The following ATP8B4 variants were observed in gnomAD, a reference collection of about 807,000 sequenced individuals.
ATP8B4 encodes the protein ATPase phospholipid transporting 8B4 (putative).
In ATP8B4, 133 loss-of-function variants were observed where a neutral mutation model predicts 145.6. That is an observed-to-expected ratio of 0.91 (90% CI 0.79 to 1.05). The LOEUF (loss-of-function observed/expected upper bound fraction) is 1.05, where lower values mean the gene tolerates loss of function less well. Ranked by LOEUF, ATP8B4 falls within the 50% of genes least tolerant of loss-of-function variation. The pLI, the probability that ATP8B4 is intolerant of heterozygous loss-of-function variation, is 0.00. For synonymous variants in ATP8B4, 507 were observed against 492.9 expected (o/e 1.03, Z -0.38); for missense variants, 1,458 against 1,425.2 (o/e 1.02, Z -0.37).
Position 49,987,524 on chromosome 15 carries a change from G to A in ATP8B4, c.615C>T (p.Asn205=), listed in dbSNP as rs745392781. The change falls in exon 10 of 28, where the codon AAC becomes AAT. Residue 205 remains asparagine (N), a synonymous_variant. Transcript: ENST00000284509. The part of the protein sequence containing the change: ...FDGIVVCEVP[N]NKLDKFMGIL... ...TTCCCATGAATTTATCTAACTTGTT[G>A]TTAGGCACCTCACAGACAACAATCC... 17 of 1,613,462 alleles carry A rather than the reference G, an allele frequency of 1.1e-5. No homozygotes were observed. The highest frequency in any genetic ancestry group is 4.5e-5 in the East Asian group (2 of 44,860).
chr15:49,866,871 A>T (rs575691120), intron 25 of ATP8B4, among the ~76,000 whole-genome samples: 1 of 152,352 alleles, frequency 6.6e-6, no homozygotes, highest in Non-Finnish European at 1.5e-5. Context: ...GTAATGGGCA[A>T]GTGCAACATT....
chr15:50,027,645 C>A (rs1393542040), intron 6 of ATP8B4, among the ~76,000 whole-genome samples: 1 of 152,152 alleles, frequency 6.6e-6, no homozygotes, highest in Non-Finnish European at 1.5e-5. Context: ...TTTCCCCCTG[C>A]AACTCCATCA....
intron 20 of ATP8B4, among the ~76,000 whole-genome samples, chr15:49,903,303 T>G (rs922369928): frequency 6.6e-6 from 1 of 152,228 alleles, no homozygotes; most frequent in Admixed American, 6.5e-5. Flanking sequence ...TATACATTTT[T>G]GAAGCGTACA....
At chr15:50,015,202 C>T (rs1360835500) in intron 6 of ATP8B4, among the ~76,000 whole-genome samples, 1 of 152,106 alleles carries the variant, frequency 6.6e-6, no homozygotes, top group Non-Finnish European at 1.5e-5. Flanking sequence ...TAGAAAATTT[C>T]TTGAAAGATA....
In ATP8B4 at chr15:49,859,525, A is replaced by C. The variant is rs1417828498; in HGVS notation, c.*669T>G. The C allele has an allele frequency of 1.3e-5, 2 of 152,192 alleles. No homozygotes were observed. The highest frequency in any genetic ancestry group is 6.5e-5 in the Admixed American group (1 of 15,284). The allele number at this position is 152,192 out of a possible 1,614,324, so 9.4% of individuals were successfully genotyped here. A position where few individuals can be genotyped will look rare whatever the true frequency, so the allele number is the denominator to read the frequency against. Reference sequence around the variant, plus strand: ...ACACAGACTGAGAGCTTTTTGAATAAATTTGATCAAATTACCAGCCTATCC... The same window carrying C: ...ACACAGACTGAGAGCTTTTTGAATACATTTGATCAAATTACCAGCCTATCC... On this transcript the variant is annotated 3_prime_UTR_variant, in exon 28 of 28. Coordinates refer to ENST00000284509, the MANE Select transcript of ATP8B4 (RefSeq NM_024837.4).
chr15:50,139,717 T>C lies in ATP8B4; in HGVS notation c.-42-32709A>G, dbSNP rs544778678. Among the ~76,000 whole-genome samples, 136 of 152,348 alleles carry C rather than the reference T, an allele frequency of 8.9e-4. 1 individual carries two copies. Among genetic ancestry groups the C allele is most frequent in the African/African-American group, 3.2e-3 (133 of 41,580 alleles). On this transcript the variant is annotated intron_variant, in intron 1 of 3. Coordinates refer to the ATP8B4 transcript ENST00000558829. ...TAGTTCTCACTGTTAACAATCTTCC[T>C]GCAAAACTTCAAATTTTATTTTCAG... is the stretch of plus-strand genomic sequence containing the variant.
intron 3 of ATP8B4, among the ~76,000 whole-genome samples, chr15:50,059,152 T>G (rs1317013903): frequency 6.6e-6 from 1 of 152,186 alleles, no homozygotes; most frequent in Non-Finnish European, 1.5e-5. Context: ...TTTGGGGGAC[T>G]GACAATGGAG....
chr15:50,059,422 A>G (rs2052843289), intron 3 of ATP8B4, among the ~76,000 whole-genome samples: 1 of 152,194 alleles, frequency 6.6e-6, no homozygotes, highest in Non-Finnish European at 1.5e-5. Context: ...TTAATAGTTA[A>G]TGATCCACCA....
At chr15:50,139,426 G>A (rs1320996154) in intron 1 of ATP8B4, among the ~76,000 whole-genome samples, 1 of 152,100 alleles carries the variant, frequency 6.6e-6, no homozygotes, top group Admixed American at 6.5e-5. Context: ...TCATACACCA[G>A]GGCCTGTCGG....
chr15:50,068,654 T>C (rs1276868309), intron 3 of ATP8B4, among the ~76,000 whole-genome samples: 1 of 152,200 alleles, frequency 6.6e-6, no homozygotes, highest in Non-Finnish European at 1.5e-5. Context: ...TTAAGTGTTT[T>C]GGCTTTACTG....
chr15:49,968,109 A>G (rs951545595), intron 13 of ATP8B4, among the ~76,000 whole-genome samples: 1 of 152,242 alleles, frequency 6.6e-6, no homozygotes, highest in East Asian at 1.9e-4. Context: ...CTGCCTTACA[A>G]GAGCTCCTGA....
chr15:49,945,543 C>T (rs2042493553), intron 14 of ATP8B4, among the ~76,000 whole-genome samples: 1 of 152,072 alleles, frequency 6.6e-6, no homozygotes, highest in Non-Finnish European at 1.5e-5. Flanking sequence ...CAAAACCAGA[C>T]AAAGACAACA....
Position 49,901,207 on chromosome 15 carries a change from CT to C in ATP8B4, c.2173del (p.Arg725GlufsTer8). ...KAKQNLFGQN[R>X]NFSNGHVVCE... ...AACTACATGGCCATTGGAAAAATTT[CT>C]GTTTTGTCCAAACAAATTTTGTTTT... On this transcript the variant is annotated frameshift_variant, in exon 21 of 28. Coordinates refer to ENST00000284509, the MANE Select transcript of ATP8B4 (RefSeq NM_024837.4). LOFTEE classifies it high-confidence loss of function. The C allele has an allele frequency of 6.2e-7, 1 of 1,613,272 alleles. No homozygotes were observed. The highest frequency in any genetic ancestry group is 8.5e-7 in the Non-Finnish European group (1 of 1,179,558).
chr15:50,126,375 T>C (rs974053775), intron 1 of ATP8B4, among the ~76,000 whole-genome samples: 1 of 152,118 alleles, frequency 6.6e-6, no homozygotes, highest in Non-Finnish European at 1.5e-5. Flanking sequence ...AGGTTAATAA[T>C]GTTTACTGAA....
At chr15:50,131,658 TA>T (rs2044048915) in intron 1 of ATP8B4, among the ~76,000 whole-genome samples, 1 of 151,820 alleles carries the variant, frequency 6.6e-6, no homozygotes, top group African/African-American at 2.4e-5. Flanking sequence ...ATCAAATGTT[TA>T]ACACTAATAT....
At chr15:49,964,220 C>G (rs1460582932) in intron 13 of ATP8B4, among the ~76,000 whole-genome samples, 1 of 151,972 alleles carries the variant, frequency 6.6e-6, no homozygotes, top group East Asian at 1.9e-4. Context: ...AGTCCCTGAG[C>G]TAGTGAGTGA....
intron 1 of ATP8B4, among the ~76,000 whole-genome samples, chr15:50,143,719 T>A (rs188028439): frequency 5.9e-5 from 9 of 152,186 alleles, no homozygotes; most frequent in Admixed American, 3.3e-4. Context: ...ACAAGTGTTC[T>A]ATGAAGCATT....
chr15:49,890,530 T>C (rs573311529), intron 23 of ATP8B4, among the ~76,000 whole-genome samples: 15 of 152,228 alleles, frequency 9.9e-5, no homozygotes, highest in African/African-American at 3.6e-4. Context: ...ACCCAACACA[T>C]GGTGTTGGAG....
chr15:50,118,114 G>A (rs575524941), intron 1 of ATP8B4, among the ~76,000 whole-genome samples: 13 of 152,098 alleles, frequency 8.5e-5, no homozygotes, highest in African/African-American at 3.1e-4. Context: ...AATAGATAAT[G>A]ATAATTTATT....
Sources: allele counts gnomAD v4.1 joint callset (sites outside exome capture counted in the v4.1 genomes callset), GRCh38; gene constraint gnomAD v4.1.1; transcripts MANE v1.5; gene names NCBI Gene and HGNC (gene_info 2026-07-23, HGNC 2026-07-21).